Variants in PYHIN1 observed in about 807,000 individuals in gnomAD.
The protein encoded by PYHIN1 is pyrin and HIN domain-containing protein 1.
Under a neutral mutation model 43.7 loss-of-function variants are expected in PYHIN1, and 32 were observed. That is an observed-to-expected ratio of 0.73 (90% confidence interval 0.55 to 0.98). The LOEUF (loss-of-function observed/expected upper bound fraction) is 0.98, where lower values mean the gene tolerates loss of function less well. PYHIN1 is among the 50% of genes least tolerant of loss of function. The pLI, the probability that PYHIN1 is intolerant of heterozygous loss-of-function variation, is 0.00. For missense variants in PYHIN1, 588 were observed against 589.5 expected (o/e 1.00, Z 0.03); for synonymous variants, 205 against 203.1 (o/e 1.01, Z -0.08).
chr1:158,932,677 A>G (rs1648234127), intron 1 of PYHIN1, among the ~76,000 whole-genome samples: 2 of 152,326 alleles, frequency 1.3e-5, no homozygotes, highest in South Asian at 4.1e-4. Context: ...AAACACAATT[A>G]TTCAAATAAT....
At chr1:158,973,502 TTTTCACACAC>T (rs1651054126) in intron 7 of PYHIN1, 135 bp from the exon 8 acceptor site, 3 of 628,368 alleles carry the variant, frequency 4.8e-6, no homozygotes, top group Non-Finnish European at 4.9e-6. Context: ...TAAAAAGGGA[TTTTCACACAC>T]ACACACACAC....
At chr1:158,949,586 T>A (rs1052435801) in intron 7 of PYHIN1, among the ~76,000 whole-genome samples, 5 of 137,506 alleles carry the variant, frequency 3.6e-5, no homozygotes, top group Non-Finnish European at 7.7e-5. Flanking sequence ...CCTGTGTCCA[T>A]GTGTTCTCAT....
chr1:158,947,977 C>G (rs1191580148), intron 7 of PYHIN1, among the ~76,000 whole-genome samples: 11 of 150,210 alleles, frequency 7.3e-5, no homozygotes, highest in Admixed American at 4.6e-4. Context: ...AACCTTCCAG[C>G]CTTCCAAGAA....
intron 7 of PYHIN1, among the ~76,000 whole-genome samples, chr1:158,970,743 C>T (rs994172791): frequency 2.6e-5 from 4 of 151,970 alleles, no homozygotes; most frequent in East Asian, 3.9e-4. Flanking sequence ...ACTGCATATA[C>T]TATAACAATG....
chr1:158,933,807 T>G lies in PYHIN1; in HGVS notation c.-21+2031T>G, dbSNP rs1648320446. 6.6e-6 allele frequency among the ~76,000 whole-genome samples: 1 copy of G among 152,144 alleles called. No individual in the cohort carries two copies. The highest frequency in any genetic ancestry group is 2.4e-5 in the African/African-American group (1 of 41,452). ...GTTGGTATACTTTCTGTTTCTCTTT[T>G]CTTTGATCAGGGCTTTCTTTTTAAG... On this transcript the variant is annotated intron_variant, in intron 1 of 8. Transcript: ENST00000368140. This position sits in a 1 kb window ranked among gnomAD's most constrained non-coding sequence, Gnocchi z 6.3.
chr1:158,956,575 A>T (rs1050931147), intron 7 of PYHIN1, among the ~76,000 whole-genome samples: 1 of 151,862 alleles, frequency 6.6e-6, no homozygotes, highest in Admixed American at 6.6e-5. Context: ...AAAAACTCTC[A>T]ATAAATTAGG....
chr1:158,982,733 T>C, the PYHIN1 span, among the ~76,000 whole-genome samples: 4 of 152,158 alleles, frequency 2.6e-5, 1 homozygote, highest in Admixed American at 2.6e-4. Context: ...CTCTGGAGAA[T>C]ATAGCCATTT....
intron 7 of PYHIN1, among the ~76,000 whole-genome samples, chr1:158,950,689 G>A (rs920978069): frequency 1.3e-5 from 2 of 152,266 alleles, no homozygotes; most frequent in South Asian, 2.1e-4. Flanking sequence ...GCATAAATAA[G>A]GCTTGTGCCA....
chr1:158,957,304 C>T (rs928537458), intron 7 of PYHIN1, among the ~76,000 whole-genome samples: 3 of 151,818 alleles, frequency 2.0e-5, no homozygotes, highest in African/African-American at 7.3e-5. Context: ...CAAGGCAATC[C>T]TAAGCCAAAA....
chr1:158,946,205 C>A (rs1649210932), intron 7 of PYHIN1, among the ~76,000 whole-genome samples: 1 of 152,164 alleles, frequency 6.6e-6, no homozygotes, highest in East Asian at 1.9e-4. Flanking sequence ...ACAGAAGCCA[C>A]TCTCCAGAAT....
chr1:158,954,499 T>C (rs1201198225), intron 7 of PYHIN1, among the ~76,000 whole-genome samples: 9 of 149,464 alleles, frequency 6.0e-5, no homozygotes, highest in Admixed American at 1.3e-4. Context: ...TCCAGCCAAA[T>C]TAAGCTTCAT....
intron 3 of PYHIN1, among the ~76,000 whole-genome samples, chr1:158,938,769 C>T (rs549083684): frequency 6.6e-6 from 1 of 152,202 alleles, no homozygotes; most frequent in Non-Finnish European, 1.5e-5. Flanking sequence ...TTTTCATCTC[C>T]AATAGAGAAG....
intron 8 of PYHIN1, among the ~76,000 whole-genome samples, chr1:158,975,078 T>C (rs1320901603): frequency 6.6e-6 from 1 of 152,018 alleles, no homozygotes; most frequent in African/African-American, 2.4e-5. Flanking sequence ...GCTAGGGTCC[T>C]ATGTCTCCTA....
At chr1:158,939,780 T>C (rs1648801119) in intron 4 of PYHIN1, 1 of 510,374 alleles carries the variant, frequency 2.0e-6, no homozygotes, top group Admixed American at 3.3e-5. Context: ...TTTTCTACTG[T>C]TTATGACAAC....
intron 7 of PYHIN1, among the ~76,000 whole-genome samples, chr1:158,969,431 T>C (rs1464196132): frequency 1.3e-5 from 2 of 151,932 alleles, no homozygotes; most frequent in African/African-American, 4.8e-5. Context: ...CATTACCATA[T>C]TGCACTCTGA....
chr1:158,978,332 T>C (rs373333326), downstream of PYHIN1, among the ~76,000 whole-genome samples: 7 of 152,106 alleles, frequency 4.6e-5, no homozygotes, highest in East Asian at 1.4e-3. Flanking sequence ...AAATCAAATT[T>C]TGAAGGATGT....
chr1:158,964,911 C>T (rs1478214230), intron 7 of PYHIN1, among the ~76,000 whole-genome samples: 1 of 152,058 alleles, frequency 6.6e-6, no homozygotes, highest in African/African-American at 2.4e-5. Flanking sequence ...TGTAAACAGG[C>T]TACACACTCC....
In PYHIN1 at chr1:158,943,808, A is replaced by G. The variant is rs1377324932; in HGVS notation, c.1021A>G (p.Thr341Ala). Residue 341 changes from threonine to alanine, a missense_variant, in exon 6 of 9, where the codon ACG becomes GCG. Transcript: ENST00000368140. Reference protein sequence around the residue: ...MLHTKIVNRKTTIYEIQDKTG... With the variant: ...MLHTKIVNRKATIYEIQDKTG... ...GTTGCAGAAAATTGTAAATAGGAAG[A>G]CGACAATCTATGAAATTCAGGATAA... is the stretch of plus-strand genomic sequence containing the variant. 1 of 1,601,364 alleles carries G rather than the reference A, an allele frequency of 6.2e-7. No homozygotes were observed. The highest frequency in any genetic ancestry group is 1.3e-5 in the African/African-American group (1 of 74,536).
chr1:158,979,718 T>C (rs75697483), downstream of PYHIN1, among the ~76,000 whole-genome samples: 3,021 of 152,250 alleles, frequency 0.02, 57 homozygotes, highest in Admixed American at 0.03. Context: ...TCATATGGTA[T>C]TCATATTTTT....
Sources: allele counts gnomAD v4.1 joint callset (sites outside exome capture counted in the v4.1 genomes callset), GRCh38; gene constraint gnomAD v4.1.1; non-coding constraint Gnocchi (gnomAD v3.1); transcripts MANE v1.5; gene names NCBI Gene and HGNC (gene_info 2026-07-23, HGNC 2026-07-21).